CCSER1: variants seen among roughly 807,000 people sequenced by gnomAD.
CCSER1 encodes the protein coiled-coil serine rich protein 1, also known as serine-rich coiled-coil domain-containing protein 1.
Under a neutral mutation model 82.0 loss-of-function variants are expected in CCSER1, and 41 were observed. The observed-to-expected ratio is 0.50, with a 90% confidence interval of 0.39 to 0.65. CCSER1 has a LOEUF of 0.65. CCSER1 is among the 30% of genes least tolerant of loss of function. CCSER1 has a pLI of 0.00. For synonymous variants in CCSER1, 414 were observed against 383.9 expected, an observed-to-expected ratio of 1.08 and a Z score of -0.92; for missense variants, 1,119 against 1,064.2, an observed-to-expected ratio of 1.05 and a Z score of -0.72.
chr4:90,996,522 T>A (rs1737507319), intron 9 of CCSER1, among the ~76,000 whole-genome samples: 1 of 152,120 alleles, frequency 6.6e-6, no homozygotes, highest in Admixed American at 6.5e-5. Flanking sequence ...GGCAGTGTGA[T>A]TATTTTGTAT....
chr4:91,495,545 C>A (rs1758753943), intron 10 of CCSER1, among the ~76,000 whole-genome samples: 1 of 151,278 alleles, frequency 6.6e-6, no homozygotes, highest in East Asian at 1.9e-4. Context: ...AATATGATAT[C>A]AGTAAAATAG....
intron 9 of CCSER1, among the ~76,000 whole-genome samples, chr4:90,974,716 C>T (rs1735449389): frequency 6.6e-6 from 1 of 151,282 alleles, no homozygotes; most frequent in South Asian, 2.1e-4. Context: ...AAAAGATAGG[C>T]AAGTACAACT....
At chr4:91,037,007 G>A (rs746712511) in intron 9 of CCSER1, among the ~76,000 whole-genome samples, 19 of 152,068 alleles carry the variant, frequency 1.2e-4, no homozygotes, top group African/African-American at 4.6e-4. Context: ...AACCCGGGAA[G>A]GGGAGTTTGC....
intron 9 of CCSER1, among the ~76,000 whole-genome samples, chr4:91,083,645 TATG>T (rs1425388523): frequency 6.6e-6 from 1 of 151,952 alleles, no homozygotes; most frequent in Non-Finnish European, 1.5e-5. Flanking sequence ...AGAAGTATAA[TATG>T]AGAGAAATAG....
intron 1 of CCSER1, among the ~76,000 whole-genome samples, chr4:90,160,856 A>T (rs186303535): frequency 2.0e-4 from 31 of 152,280 alleles, no homozygotes; most frequent in African/African-American, 6.5e-4. Context: ...GAAATTGGGA[A>T]AATCTCATGG....
At chr4:91,045,693 C>T (rs984861148) in intron 9 of CCSER1, among the ~76,000 whole-genome samples, 35 of 151,966 alleles carry the variant, frequency 2.3e-4, no homozygotes, top group Non-Finnish European at 4.1e-4. Context: ...TTTTAAAACT[C>T]CTATAAAGTA....
rs1005205290 is a variant in CCSER1, at chr4:90,328,105, G to A, written c.1509+15058G>A. On this transcript the variant is annotated intron_variant, in intron 3 of 10. Coordinates refer to ENST00000509176, the MANE Select transcript of CCSER1 (RefSeq NM_001145065.2). ...CTATCTAAAAACTTAAGATAGAGGG[G>A]AAGTTATAAGTGGATTCCAAACACA... Among the ~76,000 whole-genome samples the A allele has an allele frequency of 4.6e-5, 7 of 152,120 alleles. No individual in the cohort carries two copies. In the East Asian group the frequency reaches 9.6e-4, roughly 21 times the overall value.
At chr4:91,091,760 G>A in intron 10 of CCSER1, among the ~76,000 whole-genome samples, 1 of 152,068 alleles carries the variant, frequency 6.6e-6, no homozygotes, top group East Asian at 1.9e-4. Flanking sequence ...CTGTGGGAGT[G>A]GTCAGGATAA....
At chr4:90,499,801 A>G (rs1388545778) in intron 5 of CCSER1, among the ~76,000 whole-genome samples, 2 of 152,098 alleles carry the variant, frequency 1.3e-5, no homozygotes, top group African/African-American at 4.8e-5. Context: ...CTTTTAGGGC[A>G]CCCTCTAAAA....
chr4:91,492,730 A>T (rs183429869), intron 10 of CCSER1, among the ~76,000 whole-genome samples: 3 of 152,086 alleles, frequency 2.0e-5, no homozygotes, highest in African/African-American at 7.2e-5. Context: ...AAGGCTTTTC[A>T]TGAATAATTT....
At chr4:90,134,979 TTAA>T (rs1345581313) in intron 1 of CCSER1, among the ~76,000 whole-genome samples, 1 of 152,252 alleles carries the variant, frequency 6.6e-6, no homozygotes, top group Non-Finnish European at 1.5e-5. Context: ...TAAAACTAGA[TTAA>T]TAATATCAAG....
At position 90,806,890 on chromosome 4, in the gene CCSER1, C is replaced by T. The variant is rs866834902; in HGVS notation, c.2011-8872C>T. On this transcript the variant is annotated intron_variant, in intron 7 of 10. Transcript: ENST00000509176. ...TCTTTTTTTTTTTTCTTCACATTTC[C>T]TTTCCTTTCCCTTCCTTAATAAACT... Among the ~76,000 whole-genome samples, 35 of 151,318 alleles carry T rather than the reference C, an allele frequency of 2.3e-4. 1 individual carries two copies. Among genetic ancestry groups the T allele is most frequent in the Middle Eastern group, 6.8e-3 (2 of 292 alleles).
chr4:91,545,271 C>A lies in CCSER1; in HGVS notation c.2218-53301C>A, dbSNP rs923284221. ...AAAGGGAATTCCCTGACCCCTTGCACTTCCTGGGTGAGGTGATGCCCCGCC... is the reference window on the plus strand; with the variant it reads ...AAAGGGAATTCCCTGACCCCTTGCAATTCCTGGGTGAGGTGATGCCCCGCC... On this transcript the variant is annotated intron_variant, in intron 10 of 10. Coordinates refer to ENST00000509176, the MANE Select transcript of CCSER1 (RefSeq NM_001145065.2). 5.3e-5 allele frequency among the ~76,000 whole-genome samples: 8 copies of A among 152,138 alleles called. No individual in the cohort carries two copies. The East Asian group carries it at 1.5e-3, about 29-fold the overall frequency.
chr4:90,496,847 C>T (rs1353300556), intron 5 of CCSER1, among the ~76,000 whole-genome samples: 1 of 151,444 alleles, frequency 6.6e-6, no homozygotes, highest in Non-Finnish European at 1.5e-5. Flanking sequence ...TGTGGTGGCT[C>T]ATGCCTGTTG....
At chr4:90,360,303 C>T (rs1249653714) in intron 3 of CCSER1, among the ~76,000 whole-genome samples, 3 of 148,688 alleles carry the variant, frequency 2.0e-5, no homozygotes, top group East Asian at 4.1e-4. Flanking sequence ...CCGAGGCGGG[C>T]GGATCACGAG....
At chr4:91,538,656 T>C (rs1484841688) in intron 10 of CCSER1, among the ~76,000 whole-genome samples, 1 of 135,392 alleles carries the variant, frequency 7.4e-6, no homozygotes, top group Non-Finnish European at 1.6e-5. Context: ...ACATAAATTT[T>C]AGTTAAATAT....
intron 10 of CCSER1, among the ~76,000 whole-genome samples, chr4:91,134,330 A>C (rs1426684846): frequency 6.6e-6 from 1 of 151,854 alleles, no homozygotes; most frequent in Non-Finnish European, 1.5e-5. Context: ...CCAGGATTCT[A>C]GGTTACAGTG....
chr4:91,242,235 G>A (rs73836891), intron 10 of CCSER1, among the ~76,000 whole-genome samples: 3,945 of 152,268 alleles, frequency 0.026, 174 homozygotes, highest in African/African-American at 0.09. Context: ...TAAAGTGGAC[G>A]GTGTGATTGG....
At position 90,551,223 on chromosome 4, in the gene CCSER1, A is replaced by T. The variant is rs1479595941; in HGVS notation, c.1725-76802A>T. Among the ~76,000 whole-genome samples, 4 of 152,236 alleles carry T rather than the reference A, an allele frequency of 2.6e-5. No individual in the cohort carries two copies. The East Asian group carries it at 7.7e-4, about 29-fold the overall frequency. ...ACAAAAATGTGTGATAGAATGCATG[A>T]TAGTTATCCATTTCATTCCCTATGG... is the stretch of plus-strand genomic sequence containing the variant. On this transcript the variant is annotated intron_variant, in intron 5 of 10. Coordinates refer to ENST00000509176, the MANE Select transcript of CCSER1 (RefSeq NM_001145065.2).
Sources: gnomAD v4.1 joint callset for allele counts (sites outside exome capture counted in the v4.1 genomes callset) on GRCh38, gnomAD v4.1.1 for gene constraint, MANE v1.5 for transcripts, NCBI Gene and HGNC (gene_info 2026-07-23, HGNC 2026-07-21) for gene names.